USH2A: variants seen among roughly 807,000 people sequenced by gnomAD.
USH2A encodes the protein Usher syndrome 2A (autosomal recessive, mild).
Under a neutral mutation model 538.9 loss-of-function variants are expected in USH2A, and 443 were observed. The ratio of observed to expected loss-of-function variants is 0.82; its 90% CI spans 0.76 to 0.89. The LOEUF (loss-of-function observed/expected upper bound fraction) is 0.89, where lower values mean the gene tolerates loss of function less well. Ranked by LOEUF, USH2A falls within the 40% of genes least tolerant of loss-of-function variation. USH2A has a pLI of 0.00. For synonymous variants in USH2A, 2,413 were observed against 2,273.5 expected, an observed-to-expected ratio of 1.06 and a Z score of -1.75; for missense variants, 6,633 against 6,324.8, an observed-to-expected ratio of 1.05 and a Z score of -1.65.
intron 21 of USH2A, among the ~76,000 whole-genome samples, chr1:216,163,773 T>A (rs1197283908): frequency 6.6e-6 from 1 of 151,846 alleles, no homozygotes; most frequent in Admixed American, 6.6e-5. Context: ...AGACTCTAAT[T>A]TTTTGCCTGT....
At chr1:216,373,780 T>C (rs1438873870) in intron 3 of USH2A, among the ~76,000 whole-genome samples, 39 of 152,106 alleles carry the variant, frequency 2.6e-4, no homozygotes, top group Admixed American at 2.6e-3. Context: ...GACTCTAAGT[T>C]TTCTTTTGAT....
chr1:215,627,453 C>CTTCCTTCTTTCCTTCCTTCT (rs1558027608), intron 71 of USH2A, among the ~76,000 whole-genome samples: 2 of 104,842 alleles, frequency 1.9e-5, no homozygotes, highest in Non-Finnish European at 4.1e-5. Context: ...TCCTTCCTTC[C>CTTCCTTCTTTCCTTCCTTCT]TTCCTTCCTT....
intron 38 of USH2A, among the ~76,000 whole-genome samples, chr1:215,913,685 A>G (rs1665871155): frequency 6.6e-6 from 1 of 152,042 alleles, no homozygotes; most frequent in Non-Finnish European, 1.5e-5. Flanking sequence ...ACTGGACTGG[A>G]TACTGAAAAG....
At chr1:216,297,992 G>A (rs980811016) in intron 9 of USH2A, among the ~76,000 whole-genome samples, 4 of 152,206 alleles carry the variant, frequency 2.6e-5, no homozygotes, top group African/African-American at 7.2e-5. Flanking sequence ...AATTAGCCAT[G>A]CAATTTACCT....
chr1:216,151,291 C>T (rs1240114536), intron 21 of USH2A, among the ~76,000 whole-genome samples: 1 of 152,076 alleles, frequency 6.6e-6, no homozygotes, highest in East Asian at 1.9e-4. Flanking sequence ...CCAGTTTTGC[C>T]TCGCACAAGG....
chr1:216,073,738 AG>A (rs2031650544), intron 27 of USH2A, among the ~76,000 whole-genome samples: 1 of 152,248 alleles, frequency 6.6e-6, no homozygotes, highest in South Asian at 2.1e-4. Flanking sequence ...ATGATTATTC[AG>A]TAAGCTCATT....
intron 70 of USH2A, among the ~76,000 whole-genome samples, chr1:215,631,649 C>G (rs1478957484): frequency 6.6e-6 from 1 of 152,204 alleles, no homozygotes; most frequent in Non-Finnish European, 1.5e-5. Flanking sequence ...CTGCTGAGAC[C>G]TGCCTGCAAT....
intron 30 of USH2A, among the ~76,000 whole-genome samples, chr1:216,066,340 T>C (rs974915741): frequency 1.3e-5 from 2 of 151,678 alleles, no homozygotes; most frequent in East Asian, 1.9e-4. Context: ...GGCGTGGAGG[T>C]CTGTAGTCCC....
chr1:215,640,062 C>T (rs1656623377), intron 68 of USH2A, among the ~76,000 whole-genome samples: 1 of 152,090 alleles, frequency 6.6e-6, no homozygotes, highest in Non-Finnish European at 1.5e-5. Flanking sequence ...AGAAGGAACT[C>T]CATTTTAGAG....
In USH2A at chr1:215,622,974, T is replaced by C. The variant is rs1393901643; in HGVS notation, c.*2807A>G. ...TTGTGCATTGGAAACCAACTATTCA[T>C]TTGTGACATAATTAAAAGTTCCTTA... On this transcript the variant is annotated 3_prime_UTR_variant, in exon 72 of 72. Transcript: ENST00000307340. The C allele has an allele frequency of 1.3e-5, 2 of 151,618 alleles. No individual in the cohort carries two copies. The highest frequency in any genetic ancestry group is 2.9e-5 in the Non-Finnish European group (2 of 67,998). The allele number at this position is 151,618 out of a possible 1,614,324, so 9.4% of individuals were successfully genotyped here.
At chr1:216,404,324 G>T (rs1262525105) in intron 3 of USH2A, among the ~76,000 whole-genome samples, 1 of 151,930 alleles carries the variant, frequency 6.6e-6, no homozygotes, top group Non-Finnish European at 1.5e-5. Context: ...AAAATCATAG[G>T]CCCTAAAAGG....
intron 47 of USH2A, among the ~76,000 whole-genome samples, chr1:215,820,275 A>G (rs1487685179): frequency 1.4e-5 from 2 of 141,580 alleles, no homozygotes; most frequent in East Asian, 4.1e-4. Context: ...TTTGGGTTAC[A>G]TTTTCTCATT....
At chr1:216,151,145 G>A (rs879357575) in intron 21 of USH2A, among the ~76,000 whole-genome samples, 7 of 151,882 alleles carry the variant, frequency 4.6e-5, no homozygotes, top group African/African-American at 7.3e-5. Flanking sequence ...CATGAAAATC[G>A]AACCTCCCCC....
intron 37 of USH2A, among the ~76,000 whole-genome samples, chr1:215,951,925 C>T (rs1361345888): frequency 1.7e-4 from 26 of 151,312 alleles, no homozygotes; most frequent in Non-Finnish European, 3.4e-4. Flanking sequence ...ACTGCAGTGG[C>T]GCAATCTCGG....
chr1:215,738,305 G>T (rs1660210553), intron 60 of USH2A, among the ~76,000 whole-genome samples: 1 of 152,066 alleles, frequency 6.6e-6, no homozygotes. Context: ...CAATAAACAG[G>T]TTGCAAAACA....
chr1:215,893,710 A>G (rs1378328092), intron 40 of USH2A, among the ~76,000 whole-genome samples: 2 of 152,142 alleles, frequency 1.3e-5, no homozygotes, highest in Non-Finnish European at 2.9e-5. Flanking sequence ...CACAGACATT[A>G]CAAGCACTCT....
At chr1:215,848,914 T>C (rs995142027) in intron 44 of USH2A, among the ~76,000 whole-genome samples, 5 of 152,218 alleles carry the variant, frequency 3.3e-5, no homozygotes, top group Non-Finnish European at 5.9e-5. Context: ...GTACTCTTCC[T>C]AAGTCAGTGA....
Position 215,805,145 on chromosome 1 carries a change from G to C in USH2A, c.9740-6020C>G, listed in dbSNP as rs570449726. 5.9e-5 allele frequency among the ~76,000 whole-genome samples: 9 copies of C among 152,010 alleles called. No homozygotes were observed. In the South Asian group the frequency reaches 6.2e-4, roughly 11 times the overall value. ...ACAGGGGCCTGTTGTGGGGTGGGGA[G>C]ATGGGGGAGGGATAGGATTAGGAGA... On this transcript the variant is annotated intron_variant, in intron 49 of 71. Transcript: ENST00000307340.
At position 216,369,257 on chromosome 1, in the gene USH2A, T is replaced by C. The variant is rs140187042; in HGVS notation, c.652-4172A>G. On this transcript the variant is annotated intron_variant, in intron 3 of 71. Transcript: ENST00000307340. ...AAGGCAATGTATCCTGAAAACTCTATAAGTTTATTTTAAAAATCACATGTA... is the reference window on the plus strand; with the variant it reads ...AAGGCAATGTATCCTGAAAACTCTACAAGTTTATTTTAAAAATCACATGTA... 3.5e-3 allele frequency among the ~76,000 whole-genome samples: 538 copies of C among 152,302 alleles called. 3 individuals carry two copies. Among genetic ancestry groups the C allele is most frequent in the African/African-American group, 0.012 (510 of 41,564 alleles).
Sources: allele counts gnomAD v4.1 joint callset (sites outside exome capture counted in the v4.1 genomes callset), GRCh38; gene constraint gnomAD v4.1.1; transcripts MANE v1.5; gene names NCBI Gene and HGNC (gene_info 2026-07-23, HGNC 2026-07-21).